CNOT9: variants seen among roughly 807,000 people sequenced by gnomAD.
The protein encoded by CNOT9 is CCR4-NOT transcription complex subunit 9.
CNOT9 carries 8 observed loss-of-function variants against 37.4 expected under a neutral mutation model. That is an observed-to-expected ratio of 0.21 (90% CI 0.13 to 0.39). CNOT9 has a LOEUF of 0.39. CNOT9 is among the 10% of genes least tolerant of loss of function. The pLI is 1.00. For synonymous variants in CNOT9, 120 were observed against 137.6 expected (o/e 0.87, Z 0.90); for missense variants, 154 against 365.3 (o/e 0.42, Z 4.71).
In CNOT9 at chr2:218,595,847, C is replaced by T. The variant is rs1204820639; in HGVS notation, c.*1571C>T. The T allele has an allele frequency of 6.6e-6, 1 of 151,882 alleles. No homozygotes were observed. Among genetic ancestry groups the T allele is most frequent in the African/African-American group, 2.4e-5 (1 of 41,328 alleles). The allele number at this position is 151,882 out of a possible 1,614,324, so 9.4% of individuals were successfully genotyped here. A position where few individuals can be genotyped will look rare whatever the true frequency, so the allele number is the denominator to read the frequency against. On this transcript the variant is annotated 3_prime_UTR_variant, in exon 8 of 8. Coordinates refer to ENST00000273064, the MANE Select transcript of CNOT9 (RefSeq NM_005444.3). ...GAGAGCCGGACTTGTTAGTTGGCTT[C>T]TGTCTCTTTAGAGCCAAGAAAATAG... is the stretch of plus-strand genomic sequence containing the variant.
intron 5 of CNOT9, among the ~76,000 whole-genome samples, chr2:218,590,244 T>C (rs1175604366): frequency 6.6e-6 from 1 of 152,184 alleles, no homozygotes; most frequent in Non-Finnish European, 1.5e-5. Context: ...ATTTTTTGTA[T>C]TTTTAGTAGA....
At position 218,587,348 on chromosome 2, in the gene CNOT9, C is replaced by T. The variant is rs1326679347; in HGVS notation, c.431-238C>T. On this transcript the variant is annotated intron_variant, in intron 4 of 7. Transcript: ENST00000273064. ...ATGTTGGCCAGGCTGATCTTGAACT[C>T]CCGACCTCAAGTGATCTGCCCGCCT... 3 of 651,182 alleles carry T rather than the reference C, an allele frequency of 4.6e-6. No homozygotes were observed. In the African/African-American group the frequency reaches 5.8e-5, roughly 13 times the overall value. The allele number at this position is 651,182 out of a possible 1,614,324, so 40.3% of individuals were successfully genotyped here.
At chr2:218,572,549 T>A (rs1264468702) in intron 1 of CNOT9, 2 of 305,184 alleles carry the variant, frequency 6.6e-6, no homozygotes, top group African/African-American at 4.5e-5. Flanking sequence ...CTACAAAAAA[T>A]GTTTAAAAAT....
chr2:218,570,768 C>G (rs1157756458), intron 1 of CNOT9, among the ~76,000 whole-genome samples: 1 of 152,208 alleles, frequency 6.6e-6, no homozygotes, highest in Non-Finnish European at 1.5e-5. Context: ...CTCCCTAATG[C>G]ATCTTTTAAA....
intron 1 of CNOT9, among the ~76,000 whole-genome samples, chr2:218,570,603 G>A (rs1693956109): frequency 6.6e-6 from 1 of 152,206 alleles, no homozygotes; most frequent in Non-Finnish European, 1.5e-5. Flanking sequence ...GCTATTAGGG[G>A]AAAGACAGGT....
intron 2 of CNOT9, among the ~76,000 whole-genome samples, chr2:218,582,223 A>G (rs1694411556): frequency 6.6e-6 from 1 of 152,214 alleles, no homozygotes; most frequent in Admixed American, 6.5e-5. Context: ...AACCAAATTC[A>G]AACTTCTTTA....
At chr2:218,572,133 C>T (rs1048975950) in intron 1 of CNOT9, among the ~76,000 whole-genome samples, 2 of 151,330 alleles carry the variant, frequency 1.3e-5, no homozygotes, top group African/African-American at 4.9e-5. Flanking sequence ...CCAGCCTGGC[C>T]AACGTGGTGA....
Position 218,592,828 on chromosome 2 carries a change from T to C in CNOT9, c.731+121T>C. 6 of 748,510 alleles carry C rather than the reference T, an allele frequency of 8.0e-6. No homozygotes were observed. Among genetic ancestry groups the C allele is most frequent in the Non-Finnish European group, 1.1e-5 (5 of 444,758 alleles). The allele number at this position is 748,510 out of a possible 1,614,324, so 46.4% of individuals were successfully genotyped here. ...AGTGGGGATATAACTGCATTTAGTT[T>C]GTCTGAGACAGAACTTAGATTCTTT... On this transcript the variant is annotated intron_variant, in intron 7 of 7. Transcript: ENST00000273064. The surrounding 1 kb of genome is among the most constrained non-coding windows in gnomAD (Gnocchi z 4.1).
intron 1 of CNOT9, among the ~76,000 whole-genome samples, chr2:218,571,452 C>T (rs1289271078): frequency 6.6e-6 from 1 of 151,868 alleles, no homozygotes; most frequent in Non-Finnish European, 1.5e-5. Flanking sequence ...AATGTAGTCA[C>T]ATGTAAATGC....
intron 1 of CNOT9, among the ~76,000 whole-genome samples, chr2:218,576,676 G>T (rs533710426): frequency 1.3e-5 from 2 of 152,234 alleles, no homozygotes; most frequent in South Asian, 4.1e-4. Context: ...TTATTAGGAA[G>T]TCATTTTTAG....
chr2:218,591,903 G>A (rs1053878247), intron 5 of CNOT9, among the ~76,000 whole-genome samples: 2 of 152,070 alleles, frequency 1.3e-5, no homozygotes, highest in Non-Finnish European at 2.9e-5. Context: ...TTGTCACTTG[G>A]GACCTTAACC....
chr2:218,584,792 G>T (rs1459963606), intron 4 of CNOT9, 71 bp downstream of exon 4: 1 of 1,110,040 alleles, frequency 9.0e-7, no homozygotes, highest in Non-Finnish European at 1.4e-6. Flanking sequence ...GTTTTGTCTT[G>T]CCGGTTATGA....
chr2:218,576,467 T>C (rs376050518), intron 1 of CNOT9, among the ~76,000 whole-genome samples: 1 of 152,198 alleles, frequency 6.6e-6, no homozygotes, highest in Non-Finnish European at 1.5e-5. Flanking sequence ...GTGAAACTAT[T>C]GTACTGACTT....
At position 218,596,530 on chromosome 2, in the gene CNOT9, A is replaced by C. The variant is rs1021956565; in HGVS notation, c.*2254A>C. On this transcript the variant is annotated 3_prime_UTR_variant, in exon 8 of 8. Coordinates refer to ENST00000273064, the MANE Select transcript of CNOT9 (RefSeq NM_005444.3). ...TCATGCCTGCTTCTCCCCTCTGTCT[A>C]CCTACACAACACACACACACACACA... 2 of 147,524 alleles carry C rather than the reference A, an allele frequency of 1.4e-5. No individual in the cohort carries two copies. The highest frequency in any genetic ancestry group is 5.4e-5 in the African/African-American group (2 of 37,130). The allele number at this position is 147,524 out of a possible 1,614,324, so 9.1% of individuals were successfully genotyped here. A position where few individuals can be genotyped will look rare whatever the true frequency, so the allele number is the denominator to read the frequency against.
chr2:218,593,119 G>C lies in CNOT9; in HGVS notation c.731+412G>C, dbSNP rs527671863. The C allele has an allele frequency of 1.8e-5, 4 of 226,382 alleles. No individual in the cohort carries two copies. The South Asian group carries it at 3.5e-4, about 20-fold the overall frequency. 14.0% of individuals were successfully genotyped at this position (226,382 alleles called of 1,614,324 possible). A position where few individuals can be genotyped will look rare whatever the true frequency, so the allele number is the denominator to read the frequency against. On this transcript the variant is annotated intron_variant, in intron 7 of 7. Coordinates refer to ENST00000273064, the MANE Select transcript of CNOT9 (RefSeq NM_005444.3). ...TCCTTGATTCCTATAAGTTTCTTGA[G>C]CTAATTATTTTATCTGCTTATGTTC...
At chr2:218,591,328 G>C (rs932724471) in intron 5 of CNOT9, among the ~76,000 whole-genome samples, 1 of 152,224 alleles carries the variant, frequency 6.6e-6, no homozygotes, top group South Asian at 2.1e-4. Context: ...ATGAGCTCAA[G>C]TTGAGGGAAA....
chr2:218,575,260 C>T (rs1694125723), intron 1 of CNOT9, among the ~76,000 whole-genome samples: 1 of 152,026 alleles, frequency 6.6e-6, no homozygotes, highest in Non-Finnish European at 1.5e-5. Flanking sequence ...ATTCTTAATC[C>T]TGGGTACATG....
At chr2:218,578,932 T>C (rs1337023971) in intron 1 of CNOT9, among the ~76,000 whole-genome samples, 1 of 152,200 alleles carries the variant, frequency 6.6e-6, no homozygotes. Context: ...GCATGCCCTA[T>C]TAAGTATGTA....
At position 218,589,957 on chromosome 2, in the gene CNOT9, G is replaced by A. The variant is rs186228566; in HGVS notation, c.540+2262G>A. On this transcript the variant is annotated intron_variant, in intron 5 of 7. Transcript: ENST00000273064. Reference sequence around the variant, plus strand: ...AAGCAAAGCCAATTACTGGCAATAAGTTGGATTCGTGGTTAGCTCTGAGGA... The same window carrying A: ...AAGCAAAGCCAATTACTGGCAATAAATTGGATTCGTGGTTAGCTCTGAGGA... 8.5e-5 allele frequency among the ~76,000 whole-genome samples: 13 copies of A among 152,314 alleles called. No individual in the cohort carries two copies. The East Asian group carries it at 2.3e-3, about 27-fold the overall frequency.
Sources: gnomAD v4.1 joint callset for allele counts (sites outside exome capture counted in the v4.1 genomes callset) on GRCh38, gnomAD v4.1.1 for gene constraint, Gnocchi (gnomAD v3.1) non-coding constraint, MANE v1.5 for transcripts, NCBI Gene and HGNC (gene_info 2026-07-23, HGNC 2026-07-21) for gene names.